The following SYN3 variants were observed in gnomAD, a reference collection of about 807,000 sequenced individuals.
SYN3 encodes synapsin III.
Under a neutral mutation model 65.8 loss-of-function variants are expected in SYN3, and 35 were observed. That is an observed-to-expected ratio of 0.53 (90% confidence interval 0.41 to 0.70). The LOEUF (loss-of-function observed/expected upper bound fraction) is 0.70. Ranked by LOEUF, SYN3 falls within the 30% of genes least tolerant of loss-of-function variation. SYN3 has a pLI of 0.00. For synonymous variants in SYN3, 270 were observed against 292.9 expected (o/e 0.92, Z 0.80); for missense variants, 680 against 749.0 (o/e 0.91, Z 1.08).
intron 12 of SYN3, among the ~76,000 whole-genome samples, chr22:32,518,922 G>A (rs903474339): frequency 5.9e-5 from 9 of 152,148 alleles, no homozygotes; most frequent in Non-Finnish European, 1.2e-4. Flanking sequence ...AGGTGATACG[G>A]TGGGGCCCTA....
intron 6 of SYN3, among the ~76,000 whole-genome samples, chr22:32,742,885 C>T (rs529900122): frequency 6.6e-6 from 1 of 152,302 alleles, no homozygotes; most frequent in Admixed American, 6.5e-5. Flanking sequence ...GCTATAAGGT[C>T]CCTGGAACTG....
intron 6 of SYN3, among the ~76,000 whole-genome samples, chr22:32,655,261 G>A (rs942416513): frequency 1.3e-5 from 2 of 152,200 alleles, no homozygotes; most frequent in African/African-American, 4.8e-5. Context: ...GTCCTCACCA[G>A]ACACTGAACC....
chr22:32,956,564 G>A (rs372071206), intron 3 of SYN3, among the ~76,000 whole-genome samples: 19 of 152,224 alleles, frequency 1.2e-4, no homozygotes, highest in East Asian at 1.2e-3. Context: ...CTTCTATCAC[G>A]TAATATCATG....
At chr22:33,026,432 T>A (rs1354687668) in intron 1 of SYN3, among the ~76,000 whole-genome samples, 1 of 152,172 alleles carries the variant, frequency 6.6e-6, no homozygotes, top group Middle Eastern at 3.2e-3. Flanking sequence ...CCAGATCACC[T>A]TTTTTGCCAG....
At chr22:32,751,142 T>C (rs901816465) in intron 6 of SYN3, among the ~76,000 whole-genome samples, 3 of 151,676 alleles carry the variant, frequency 2.0e-5, no homozygotes, top group Admixed American at 6.5e-5. Context: ...GGTAACCCAG[T>C]GACGCCAGGA....
rs1601862027 is a variant in SYN3 at position 32,993,387 on chromosome 22, G to A, written c.312-12685C>T. On this transcript the variant is annotated intron_variant, in intron 2 of 13. Coordinates refer to ENST00000358763, the MANE Select transcript of SYN3 (RefSeq NM_003490.4). The stretch of plus-strand genomic sequence containing the variant: ...TTGTTTTGTTTTGAGATGGAGTCTT[G>A]CTCTGTCGCCCAGGCTGGATTGCAG... Among the ~76,000 whole-genome samples the A allele has an allele frequency of 2.0e-5, 3 of 152,288 alleles. 1 individual carries two copies. The South Asian group carries it at 6.2e-4, about 32-fold the overall frequency.
chr22:32,598,756 G>A (rs2059239116), intron 6 of SYN3, among the ~76,000 whole-genome samples: 1 of 152,128 alleles, frequency 6.6e-6, no homozygotes, highest in South Asian at 2.1e-4. Flanking sequence ...AAAGTGCTAG[G>A]ATTCCAGCCC....
chr22:32,803,928 A>G (rs920572353), intron 6 of SYN3, among the ~76,000 whole-genome samples: 3 of 152,126 alleles, frequency 2.0e-5, no homozygotes, highest in Non-Finnish European at 2.9e-5. Flanking sequence ...TTGACCACGG[A>G]AAAGTGAAAA....
At chr22:32,597,258 C>T (rs1027225555) in intron 6 of SYN3, among the ~76,000 whole-genome samples, 15 of 132,202 alleles carry the variant, frequency 1.1e-4, no homozygotes, top group African/African-American at 1.4e-4. Context: ...TCTTGTTGCC[C>T]AGGCTGGAGT....
intron 6 of SYN3, among the ~76,000 whole-genome samples, chr22:32,698,679 A>G (rs1222662947): frequency 6.6e-6 from 1 of 152,254 alleles, no homozygotes; most frequent in East Asian, 1.9e-4. Context: ...AGTACCTAGC[A>G]AAGCTCCAGA....
chr22:32,843,594 G>A (rs2047976822), intron 6 of SYN3, among the ~76,000 whole-genome samples: 1 of 152,198 alleles, frequency 6.6e-6, no homozygotes, highest in Non-Finnish European at 1.5e-5. Context: ...GACAAGCTGG[G>A]TGACAGGGAT....
At chr22:32,525,659 G>A (rs1281160140) in intron 12 of SYN3, among the ~76,000 whole-genome samples, 6 of 150,860 alleles carry the variant, frequency 4.0e-5, no homozygotes, top group Non-Finnish European at 7.4e-5. Context: ...TGCAGTGAGC[G>A]GAGATCACGC....
intron 1 of SYN3, among the ~76,000 whole-genome samples, chr22:33,021,321 A>G (rs2053555682): frequency 6.6e-6 from 1 of 152,210 alleles, no homozygotes; most frequent in Non-Finnish European, 1.5e-5. Flanking sequence ...TTAAGTTAAC[A>G]TAGAATAAAA....
chr22:32,579,043 A>G (rs149692759), intron 7 of SYN3, among the ~76,000 whole-genome samples: 2 of 152,296 alleles, frequency 1.3e-5, no homozygotes, highest in East Asian at 3.9e-4. Flanking sequence ...GCCTGTGACT[A>G]TGTTTCATAT....
At chr22:32,935,018 C>T (rs554901940) in intron 3 of SYN3, among the ~76,000 whole-genome samples, 36 of 152,310 alleles carry the variant, frequency 2.4e-4, no homozygotes, top group African/African-American at 8.7e-4. Context: ...AGAGGGTGTG[C>T]AGCTCTGCTG....
At chr22:32,764,786 G>C (rs1260789302) in intron 6 of SYN3, among the ~76,000 whole-genome samples, 1 of 152,208 alleles carries the variant, frequency 6.6e-6, no homozygotes, top group Non-Finnish European at 1.5e-5. Context: ...CCCTTCAGCA[G>C]GTTGAAGTTC....
intron 1 of SYN3, among the ~76,000 whole-genome samples, chr22:33,033,221 G>A (rs1368586060): frequency 2.6e-5 from 4 of 152,032 alleles, no homozygotes; most frequent in East Asian, 1.9e-4. Flanking sequence ...GGCTGATCTC[G>A]AACTCCTGAC....
chr22:32,651,451 C>T (rs1052521868), intron 6 of SYN3, among the ~76,000 whole-genome samples: 1 of 152,142 alleles, frequency 6.6e-6, no homozygotes, highest in Non-Finnish European at 1.5e-5. Context: ...GGCTAACATT[C>T]TTGCCCCTCT....
chr22:33,028,679 GTGGTGGTGGTGA>G (rs1269013117), intron 1 of SYN3, among the ~76,000 whole-genome samples: 3,851 of 100,770 alleles, frequency 0.038, 338 homozygotes, highest in African/African-American at 0.15. Context: ...GGTGGTGGTG[GTGGTGGTGGTGA>G]TGGTGGTGGT....
Sources: gnomAD v4.1 joint callset for allele counts (sites outside exome capture counted in the v4.1 genomes callset) on GRCh38, gnomAD v4.1.1 for gene constraint, MANE v1.5 for transcripts, NCBI Gene and HGNC (gene_info 2026-07-23, HGNC 2026-07-21) for gene names.